The following USP47 variants were observed in gnomAD, a reference collection of about 807,000 sequenced individuals.
The protein encoded by USP47 is ubiquitin carboxyl-terminal hydrolase 47.
USP47 carries 35 observed loss-of-function variants against 165.1 expected under a neutral mutation model. The ratio of observed to expected loss-of-function variants is 0.21; its 90% CI spans 0.16 to 0.28. The LOEUF is 0.28. USP47 is among the 10% of genes least tolerant of loss of function. USP47 has a pLI of 1.00. For missense variants in USP47, 1,277 were observed against 1,607.4 expected (o/e 0.79, Z 3.52); for synonymous variants, 531 against 544.5 (o/e 0.98, Z 0.35).
intron 11 of USP47, among the ~76,000 whole-genome samples, chr11:11,929,125 T>C (rs1854469958): frequency 6.6e-6 from 1 of 152,116 alleles, no homozygotes; most frequent in African/African-American, 2.4e-5. Flanking sequence ...AATTAGCATC[T>C]GCTTCTGAAA....
Position 11,905,549 on chromosome 11 carries a change from G to A in USP47, c.969+1G>A. The A allele has an allele frequency of 6.3e-7, 1 of 1,599,562 alleles. No individual in the cohort carries two copies. The highest frequency in any genetic ancestry group is 8.5e-7 in the Non-Finnish European group (1 of 1,170,408). ...GTCCAGCCAAGCATTTGCTAGTGTG[G>A]TGTGTACCTTTCACCTGACTGCTTG... is the stretch of plus-strand genomic sequence containing the variant. On this transcript the variant is annotated splice_donor_variant, in intron 8 of 27. Transcript: ENST00000527733. LOFTEE classifies it high-confidence loss of function.
At chr11:11,922,622 GT>G (rs1853914871) in intron 10 of USP47, 101 bp from the exon 11 acceptor site, 1 of 873,052 alleles carries the variant, frequency 1.1e-6, no homozygotes, top group Non-Finnish European at 1.6e-6. Flanking sequence ...TTACTAATAT[GT>G]TAAATTGTGT....
Position 11,961,335 on chromosome 11 carries a change from T to G in USP47, c.*5160T>G, listed in dbSNP as rs1461857450. On this transcript the variant is annotated 3_prime_UTR_variant, in exon 28 of 28. Transcript: ENST00000527733. ...TAAGGACCTTGACGTGGGAAGATTA[T>G]TCTGGATTATCTAGGTGGGCGCAAT... Among the ~76,000 whole-genome samples the G allele has an allele frequency of 6.6e-6, 1 of 152,214 alleles. No homozygotes were observed. Among genetic ancestry groups the G allele is most frequent in the Non-Finnish European group, 1.5e-5 (1 of 68,040 alleles).
chr11:11,873,662 C>A (rs959393567), intron 1 of USP47: 32 of 392,598 alleles, frequency 8.2e-5, no homozygotes, highest in African/African-American at 6.2e-4. Context: ...GAATAAAATT[C>A]TAGATGATGT....
intron 3 of USP47, among the ~76,000 whole-genome samples, chr11:11,887,838 T>C (rs539012562): frequency 6.6e-6 from 1 of 152,216 alleles, no homozygotes; most frequent in East Asian, 1.9e-4. Context: ...AAAACACTCC[T>C]CAGCAAATGC....
intron 11 of USP47, among the ~76,000 whole-genome samples, chr11:11,924,850 T>C (rs565552332): frequency 6.6e-6 from 1 of 152,294 alleles, no homozygotes; most frequent in East Asian, 1.9e-4. Flanking sequence ...TGTCGTCTTT[T>C]TAATCTCGGT....
At chr11:11,858,146 T>G (rs2134176956) in intron 1 of USP47, among the ~76,000 whole-genome samples, 1 of 152,312 alleles carries the variant, frequency 6.6e-6, no homozygotes, top group African/African-American at 2.4e-5. Context: ...TTTCAGTACA[T>G]CTCTGCTCTT....
chr11:11,948,371 CAGAG>C (rs1855988016), intron 21 of USP47, 103 bp from the exon 22 acceptor site: 1 of 981,196 alleles, frequency 1.0e-6, no homozygotes, highest in African/African-American at 1.6e-5. Context: ...TGCCTGTTCT[CAGAG>C]AGCCTATAAT....
intron 22 of USP47, among the ~76,000 whole-genome samples, chr11:11,949,473 T>C (rs1007141766): frequency 6.6e-6 from 1 of 152,170 alleles, no homozygotes; most frequent in African/African-American, 2.4e-5. Flanking sequence ...GATTTACATA[T>C]TTAATCTGAG....
chr11:11,954,334 A>C (rs1360877116), intron 25 of USP47, among the ~76,000 whole-genome samples: 1 of 152,114 alleles, frequency 6.6e-6, no homozygotes, highest in East Asian at 1.9e-4. Context: ...CAGTGGTGCG[A>C]TCTTGGCTCA....
At chr11:11,916,135 A>G (rs979123088) in intron 8 of USP47, among the ~76,000 whole-genome samples, 1 of 152,160 alleles carries the variant, frequency 6.6e-6, no homozygotes, top group Admixed American at 6.6e-5. Context: ...TCTATCCTGA[A>G]TTCTGAAAAT....
chr11:11,866,427 A>G (rs1009734721), intron 1 of USP47, among the ~76,000 whole-genome samples: 3 of 152,182 alleles, frequency 2.0e-5, no homozygotes, highest in African/African-American at 7.2e-5. Context: ...GCCTGATTAG[A>G]TGGCATATGT....
intron 27 of USP47, 86 bp downstream of exon 27, chr11:11,955,250 T>G (rs1192583483): frequency 3.3e-6 from 5 of 1,505,808 alleles, no homozygotes; most frequent in Non-Finnish European, 4.4e-6. Flanking sequence ...TCTTTACTGT[T>G]TTTATGATAT....
At chr11:11,864,893 A>G (rs2134211622) in intron 1 of USP47, among the ~76,000 whole-genome samples, 1 of 152,234 alleles carries the variant, frequency 6.6e-6, no homozygotes, top group African/African-American at 2.4e-5. Flanking sequence ...TGATTTCTCT[A>G]TGATTCCTGA....
At chr11:11,887,472 A>C (rs1034386484) in intron 3 of USP47, among the ~76,000 whole-genome samples, 1 of 151,892 alleles carries the variant, frequency 6.6e-6, no homozygotes, top group African/African-American at 2.4e-5. Flanking sequence ...AAGATAAAAA[A>C]AGACAAGGGC....
intron 8 of USP47, among the ~76,000 whole-genome samples, chr11:11,913,378 T>C (rs1853161926): frequency 6.6e-6 from 1 of 151,250 alleles, no homozygotes; most frequent in South Asian, 2.1e-4. Flanking sequence ...ATGTAGAAAG[T>C]GAAGTTTAAA....
Position 11,956,191 on chromosome 11 carries a change from AT to A in USP47, c.*20del. ...TCAAGACTGACTCTGATAGTGTAGC[AT>A]TTTCCCTGGGGGAGTTTTGGTTTTA... On this transcript the variant is annotated 3_prime_UTR_variant, in exon 28 of 28. Transcript: ENST00000527733. The A allele has an allele frequency of 1.2e-6, 2 of 1,612,376 alleles. No individual in the cohort carries two copies. The highest frequency in any genetic ancestry group is 2.2e-5 in the South Asian group (2 of 90,624).
intron 1 of USP47, among the ~76,000 whole-genome samples, chr11:11,871,538 A>T: frequency 9.4e-6 from 1 of 106,096 alleles, no homozygotes; most frequent in African/African-American, 3.1e-5. Context: ...AAAAAAAAAA[A>T]GAATTCTGGT....
rs529884464 is a variant in USP47, at chr11:11,924,042, T to C, written c.1386+1151T>C. Among the ~76,000 whole-genome samples the C allele has an allele frequency of 2.0e-5, 3 of 152,350 alleles. No individual in the cohort carries two copies. The South Asian group carries it at 6.2e-4, about 32-fold the overall frequency. ...ACTCTGTGGGACTTCCAATGCAGTG[T>C]TGAATAGAGTGGTGAGGGAGAACTT... On this transcript the variant is annotated intron_variant, in intron 11 of 27. Transcript: ENST00000527733.
Sources: allele counts gnomAD v4.1 joint callset (sites outside exome capture counted in the v4.1 genomes callset), GRCh38; gene constraint gnomAD v4.1.1; transcripts MANE v1.5; gene names NCBI Gene and HGNC (gene_info 2026-07-23, HGNC 2026-07-21).